RCC1: variants seen among roughly 807,000 people sequenced by gnomAD.
RCC1 encodes the protein regulator of chromosome condensation 1, also known as regulator of chromosome condensation.
In RCC1, 11 loss-of-function variants were observed where a neutral mutation model predicts 44.4. The ratio of observed to expected loss-of-function variants is 0.25; its 90% CI spans 0.16 to 0.41. The LOEUF (loss-of-function observed/expected upper bound fraction) is 0.41, where lower values mean the gene tolerates loss of function less well. Among genes scored for constraint, RCC1 ranks in the 10% least tolerant of loss-of-function variants. The probability of loss-of-function intolerance (pLI) is 1.00; values close to 1 mark genes in which losing one functional copy is unlikely to be tolerated. For missense variants in RCC1, 386 were observed against 547.1 expected, an observed-to-expected ratio of 0.71 and a Z score of 2.94; for synonymous variants, 213 against 216.5, an observed-to-expected ratio of 0.98 and a Z score of 0.14.
intron 7 of RCC1, among the ~76,000 whole-genome samples, chr1:28,533,463 T>C (rs1256811993): frequency 7.0e-5 from 8 of 114,000 alleles, no homozygotes; most frequent in Non-Finnish European, 1.2e-4. Context: ...AGAGCGAGAC[T>C]CCATCTCAAA....
In RCC1 at chr1:28,538,120, G is replaced by T. The variant is rs1446631366; in HGVS notation, c.*113G>T. ...CTCCCCAGCCCTGAGCACTGTGTCA[G>T]TTCCTGCCTTTTCTCATCAGCAGAA... On this transcript the variant is annotated 3_prime_UTR_variant, in exon 13 of 13. Coordinates refer to ENST00000683442, the MANE Select transcript of RCC1 (RefSeq NM_001381865.2). The T allele has an allele frequency of 4.5e-6, 4 of 895,366 alleles. No individual in the cohort carries two copies. The highest frequency in any genetic ancestry group is 6.6e-6 in the Non-Finnish European group (4 of 603,510). The allele number at this position is 895,366 out of a possible 1,614,324, so 55.5% of individuals were successfully genotyped here.
chr1:28,506,310 C>T (rs1215638522), intron 1 of RCC1: 3 of 429,498 alleles, frequency 7.0e-6, no homozygotes, highest in East Asian at 1.5e-4. Context: ...TCAGCCTCTC[C>T]AGCAGCTGGG....
intron 6 of RCC1, 79 bp from the exon 7 acceptor site, chr1:28,532,092 C>T: frequency 6.4e-7 from 1 of 1,570,970 alleles, no homozygotes; most frequent in South Asian, 1.2e-5. Context: ...ATGGAGCTGG[C>T]TAGTCAAGTG....
At chr1:28,517,798 G>C (rs1028264854) in intron 4 of RCC1, among the ~76,000 whole-genome samples, 4 of 152,154 alleles carry the variant, frequency 2.6e-5, no homozygotes, top group Middle Eastern at 3.4e-3. Flanking sequence ...CTTCTCCTAG[G>C]ATGTCCTGCC....
intron 5 of RCC1, among the ~76,000 whole-genome samples, chr1:28,530,157 CAAA>C (rs71805038): frequency 0.012 from 1,421 of 119,014 alleles, 15 homozygotes; most frequent in African/African-American, 0.042. Flanking sequence ...AGCACTGGCA[CAAA>C]AAAAAAAAAA....
At chr1:28,526,828 G>T (rs2853721) in intron 4 of RCC1, 4 of 592,962 alleles carry the variant, frequency 6.7e-6, no homozygotes, top group South Asian at 4.2e-5. Context: ...ACCCAGGAGG[G>T]GGAGGTTGCA....
At chr1:28,525,744 C>T (rs1457813214) in intron 4 of RCC1, among the ~76,000 whole-genome samples, 2 of 152,178 alleles carry the variant, frequency 1.3e-5, no homozygotes, top group African/African-American at 4.8e-5. Context: ...TGGTTACTTT[C>T]CCATCTTTAG....
intron 4 of RCC1, among the ~76,000 whole-genome samples, chr1:28,517,921 T>C (rs1557870530): frequency 6.6e-6 from 1 of 152,206 alleles, no homozygotes; most frequent in Non-Finnish European, 1.5e-5. Flanking sequence ...TTTTCAACCT[T>C]CTCCATGCCC....
intron 3 of RCC1, chr1:28,509,774 A>G (rs1393524856): frequency 6.6e-6 from 1 of 152,022 alleles, no homozygotes; most frequent in Non-Finnish European, 1.5e-5. Context: ...CCTTGGGTTC[A>G]CTTTATATTG....
chr1:28,511,771 C>T lies in RCC1; in HGVS notation c.-153+2866C>T, dbSNP rs190321445. On this transcript the variant is annotated intron_variant, in intron 3 of 12. Coordinates refer to ENST00000683442, the MANE Select transcript of RCC1 (RefSeq NM_001381865.2). ...CACCTCCCGGGTTCCAGCAATTCTC[C>T]CACCTCAGCCTCCCAAGTAGCTGGG... Among the ~76,000 whole-genome samples, 1,281 of 152,060 alleles carry T rather than the reference C, an allele frequency of 8.4e-3. 19 individuals are homozygous for T. The highest frequency in any genetic ancestry group is 9.7e-3 in the Non-Finnish European group (662 of 67,996).
At chr1:28,517,369 C>T (rs150785147) in intron 4 of RCC1, among the ~76,000 whole-genome samples, 1 of 152,256 alleles carries the variant, frequency 6.6e-6, no homozygotes, top group East Asian at 1.9e-4. Context: ...AACTCACACC[C>T]TTCTATTTTA....
intron 7 of RCC1, among the ~76,000 whole-genome samples, chr1:28,534,789 G>A (rs1213869414): frequency 6.6e-6 from 1 of 152,244 alleles, no homozygotes; most frequent in African/African-American, 2.4e-5. Context: ...AGTATATTGA[G>A]TGCCCATTTA....
At chr1:28,525,165 G>A (rs1352404218) in intron 4 of RCC1, among the ~76,000 whole-genome samples, 2 of 152,102 alleles carry the variant, frequency 1.3e-5, no homozygotes, top group African/African-American at 2.4e-5. Flanking sequence ...TTATCAGAAC[G>A]GAACAGAACA....
intron 6 of RCC1, 72 bp downstream of exon 6, chr1:28,532,062 C>G (rs1664212821): frequency 6.4e-7 from 1 of 1,553,036 alleles, no homozygotes; most frequent in Non-Finnish European, 8.7e-7. Flanking sequence ...GCTTTTGAAC[C>G]ACGCATGTTC....
At chr1:28,521,183 C>T (rs1252096162) in intron 4 of RCC1, among the ~76,000 whole-genome samples, 4 of 152,038 alleles carry the variant, frequency 2.6e-5, no homozygotes, top group Non-Finnish European at 5.9e-5. Context: ...AGGCAGGTAC[C>T]GGGAACAGGG....
chr1:28,537,559 C>G (rs1445074778), intron 12 of RCC1, among the ~76,000 whole-genome samples: 1 of 152,206 alleles, frequency 6.6e-6, no homozygotes, highest in East Asian at 1.9e-4. Context: ...GGTGGCTGGT[C>G]CTGGGAACAG....
intron 3 of RCC1, chr1:28,510,201 T>A (rs1471970284): frequency 9.2e-5 from 14 of 152,240 alleles, no homozygotes; most frequent in African/African-American, 3.1e-4. Context: ...AGATTGGAGT[T>A]TGGTGGACTG....
intron 3 of RCC1, among the ~76,000 whole-genome samples, chr1:28,516,338 C>G (rs899144905): frequency 6.6e-6 from 1 of 151,824 alleles, no homozygotes; most frequent in Non-Finnish European, 1.5e-5. Context: ...ATGGTGAAAC[C>G]CTGTCTCTAC....
intron 4 of RCC1, chr1:28,526,898 GA>G (rs200034684): frequency 0.21 from 126,281 of 593,370 alleles, 3 homozygotes; most frequent in Middle Eastern, 0.26. Flanking sequence ...CTCCGTCTCG[GA>G]AAAAAAAAAA....
Sources: allele counts gnomAD v4.1 joint callset (sites outside exome capture counted in the v4.1 genomes callset), GRCh38; gene constraint gnomAD v4.1.1; transcripts MANE v1.5; gene names NCBI Gene and HGNC (gene_info 2026-07-23, HGNC 2026-07-21).